Variants in PHF3 observed in about 807,000 individuals in gnomAD.
PHF3 encodes the protein PHD finger protein 3.
PHF3 carries 41 observed loss-of-function variants against 178.4 expected under a neutral mutation model. That is an observed-to-expected ratio of 0.23 (90% confidence interval 0.18 to 0.30). The LOEUF (loss-of-function observed/expected upper bound fraction) is 0.30. PHF3 is among the 10% of genes least tolerant of loss of function. The probability of loss-of-function intolerance (pLI) is 1.00; values close to 1 mark genes in which losing one functional copy is unlikely to be tolerated. For synonymous variants in PHF3, 842 were observed against 800.5 expected, an observed-to-expected ratio of 1.05 and a Z score of -0.88; for missense variants, 2,346 against 2,398.1, an observed-to-expected ratio of 0.98 and a Z score of 0.45.
At chr6:63,707,087 C>T (rs1193885182) in intron 13 of PHF3, among the ~76,000 whole-genome samples, 3 of 152,208 alleles carry the variant, frequency 2.0e-5, no homozygotes, top group African/African-American at 7.2e-5. Flanking sequence ...CTATGTCCTG[C>T]ACTTTTCCCA....
intron 2 of PHF3, among the ~76,000 whole-genome samples, chr6:63,661,587 T>C (rs1765466938): frequency 6.6e-6 from 1 of 152,160 alleles, no homozygotes; most frequent in African/African-American, 2.4e-5. Context: ...CAATATATAT[T>C]CCAGTATGAG....
chr6:63,684,967 G>C lies in PHF3; in HGVS notation c.1245G>C (p.Glu415Asp). ...AESNRQLEST[E>D]FNKSNLEVVD... The stretch of plus-strand genomic sequence containing the variant: ...CTAATAGGCAGTTGGAGAGCACTGA[G>C]TTTAATAAATCAAACTTAGAGGTGG... The change falls in exon 4 of 16, where the codon GAG becomes GAC. Residue 415 changes from glutamate to aspartate, a missense_variant. Physicochemically the swap from Glu to Asp is conservative, Grantham distance 45. This residue lies in a region of PHF3 where 843 missense variants were observed against 795.2 expected (regional missense o/e 1.06). Coordinates refer to ENST00000262043, the MANE Select transcript of PHF3 (RefSeq NM_001370348.2). 1.2e-6 allele frequency: 2 copies of C among 1,614,042 alleles called. No individual in the cohort carries two copies. Among genetic ancestry groups the C allele is most frequent in the East Asian group, 4.5e-5 (2 of 44,862 alleles).
chr6:63,698,123 A>T (rs1767311181), intron 6 of PHF3, 100 bp from the exon 7 acceptor site: 1 of 916,608 alleles, frequency 1.1e-6, no homozygotes, highest in Non-Finnish European at 1.6e-6. Flanking sequence ...CTTATTTCTA[A>T]ATAGTGACTT....
chr6:63,708,069 G>A (rs988707974), intron 13 of PHF3, among the ~76,000 whole-genome samples: 1 of 151,978 alleles, frequency 6.6e-6, no homozygotes, highest in Non-Finnish European at 1.5e-5. Context: ...GCTTCACCAT[G>A]TTAGCCAGGC....
chr6:63,690,844 A>G (rs912680352), intron 4 of PHF3, among the ~76,000 whole-genome samples: 7 of 152,248 alleles, frequency 4.6e-5, no homozygotes, highest in African/African-American at 1.2e-4. Context: ...AAAAGTAGTT[A>G]TAGATACTCC....
Position 63,722,632 on chromosome 6 carries a change from G to A in PHF3, c.*8924G>A, listed in dbSNP as rs988958990. Among the ~76,000 whole-genome samples the A allele has an allele frequency of 6.6e-6, 1 of 152,128 alleles. No individual in the cohort carries two copies. Among genetic ancestry groups the A allele is most frequent in the African/African-American group, 2.4e-5 (1 of 41,420 alleles). ...AAATGACTTATTAATAATGAACCAC[G>A]CAGAAGTCTCCACGAAACATTTTCT... On this transcript the variant is annotated 3_prime_UTR_variant, in exon 16 of 16. Transcript: ENST00000262043.
At chr6:63,637,988 G>A (rs1187530643) in intron 1 of PHF3, among the ~76,000 whole-genome samples, 1 of 151,566 alleles carries the variant, frequency 6.6e-6, no homozygotes, top group Admixed American at 6.6e-5. Context: ...TCTCTTGTTG[G>A]GATAGACTTC....
rs201282180 is a variant in PHF3 at position 63,637,833 on chromosome 6, T to G, written c.-26+1683T>G. ...TTTAAGCTTTTTCAGATAGCTGTACTCGGTAATTTGTCAAAATGATAAAAA... is the reference window on the plus strand; with the variant it reads ...TTTAAGCTTTTTCAGATAGCTGTACGCGGTAATTTGTCAAAATGATAAAAA... On this transcript the variant is annotated intron_variant, in intron 1 of 15. Transcript: ENST00000262043. 1.8e-4 allele frequency among the ~76,000 whole-genome samples: 27 copies of G among 152,314 alleles called. No individual in the cohort carries two copies. In the East Asian group the frequency reaches 4.2e-3, roughly 24 times the overall value.
In PHF3 at chr6:63,712,783, A is replaced by C; in HGVS notation, c.5195A>C (p.Gln1732Pro). Residue 1732 changes from glutamine (Q) to proline (P), a missense_variant, in exon 16 of 16, where the codon CAA becomes CCA. Physicochemically the swap from Gln to Pro is moderately conservative, Grantham distance 76 (BLOSUM62 -1). Coordinates refer to ENST00000262043, the MANE Select transcript of PHF3 (RefSeq NM_001370348.2). ...TCAGTAGAAAACATACAGACTTCTC[A>C]AGCAGAACAAGCAAAACCCTTACAG... ...SPSVENIQTS[Q>P]AEQAKPLQED... is the part of the protein sequence containing the mutation. 6.2e-7 allele frequency: 1 copy of C among 1,614,004 alleles called. No individual in the cohort carries two copies. Among genetic ancestry groups the C allele is most frequent in the Non-Finnish European group, 8.5e-7 (1 of 1,179,964 alleles).
At chr6:63,658,530 T>C (rs1402617734) in intron 2 of PHF3, among the ~76,000 whole-genome samples, 1 of 152,130 alleles carries the variant, frequency 6.6e-6, no homozygotes, top group African/African-American at 2.4e-5. Context: ...ACTTAGGGAT[T>C]TTGGAACCCT....
At chr6:63,660,339 G>T (rs760943178) in intron 2 of PHF3, among the ~76,000 whole-genome samples, 2 of 151,562 alleles carry the variant, frequency 1.3e-5, no homozygotes, top group Non-Finnish European at 2.9e-5. Context: ...AGGATGGAAT[G>T]CAACTAGATA....
chr6:63,684,797 A>G lies in PHF3; in HGVS notation c.1075A>G (p.Ser359Gly). ...ACTNPNKTEN[S>G]LVGLPSCVDE... ...TACAAATCCAAATAAGACAGAAAACAGCCTTGTAGGTTTGCCTAGTTGTGT... is the reference window on the plus strand; with the variant it reads ...TACAAATCCAAATAAGACAGAAAACGGCCTTGTAGGTTTGCCTAGTTGTGT... The change falls in exon 4 of 16, where the codon AGC becomes GGC. Residue 359 changes from serine (S) to glycine (G), a missense_variant. Coordinates refer to ENST00000262043, the MANE Select transcript of PHF3 (RefSeq NM_001370348.2). 1 of 1,614,090 alleles carries G rather than the reference A, an allele frequency of 6.2e-7. No homozygotes were observed. Among genetic ancestry groups the G allele is most frequent in the African/African-American group, 1.3e-5 (1 of 75,054 alleles).
At position 63,691,884 on chromosome 6, in the gene PHF3, A is replaced by G. The variant is rs752204880; in HGVS notation, c.2337A>G (p.Ile779Met). 6.2e-7 allele frequency: 1 copy of G among 1,613,814 alleles called. No homozygotes were observed. The highest frequency in any genetic ancestry group is 2.2e-5 in the East Asian group (1 of 44,844). ...CCAEEDKKTE[I>M]LDPDTLENQA... ...CTGAAGAAGACAAAAAGACTGAAAT[A>G]CTAGATCCAGATACTTTGGAAAACC... is the stretch of plus-strand genomic sequence containing the variant. Residue 779 changes from isoleucine (I) to methionine (M), a missense_variant, in exon 5 of 16, where the codon ATA becomes ATG. By Grantham distance (10) the Ile-to-Met change is conservative. Transcript: ENST00000262043.
At position 63,685,111 on chromosome 6, in the gene PHF3, A is replaced by T; in HGVS notation, c.1389A>T (p.Glu463Asp). 1 of 1,614,102 alleles carries T rather than the reference A, an allele frequency of 6.2e-7. No individual in the cohort carries two copies. Among genetic ancestry groups the T allele is most frequent in the Non-Finnish European group, 8.5e-7 (1 of 1,180,014 alleles). The part of the protein sequence containing the change: ...AIESTKIESH[E>D]TANLQDDRNS... Reference sequence around the variant, plus strand: ...AAAGTACTAAAATAGAGTCCCATGAAACAGCAAACCTTCAGGATGACAGAA... The same window carrying T: ...AAAGTACTAAAATAGAGTCCCATGATACAGCAAACCTTCAGGATGACAGAA... The change falls in exon 4 of 16, where the codon GAA becomes GAT. Residue 463 changes from glutamate (E) to aspartate (D), a missense_variant. Coordinates refer to ENST00000262043, the MANE Select transcript of PHF3 (RefSeq NM_001370348.2).
chr6:63,662,932 C>T lies in PHF3; in HGVS notation c.244+16137C>T, dbSNP rs557336807. 3.3e-5 allele frequency among the ~76,000 whole-genome samples: 5 copies of T among 152,324 alleles called. No individual in the cohort carries two copies. The South Asian group carries it at 1.0e-3, about 32-fold the overall frequency. Reference sequence around the variant, plus strand: ...ATGAGAGCATTTTACTGGTTGACAACTCCAGTTGGTACCAATCTCAGAAGA... The same window carrying T: ...ATGAGAGCATTTTACTGGTTGACAATTCCAGTTGGTACCAATCTCAGAAGA... On this transcript the variant is annotated intron_variant, in intron 2 of 15. Coordinates refer to ENST00000262043, the MANE Select transcript of PHF3 (RefSeq NM_001370348.2).
intron 13 of PHF3, 25 bp from the exon 14 acceptor site, chr6:63,709,126 C>G (rs753500641): frequency 1.8e-6 from 2 of 1,137,220 alleles, no homozygotes; most frequent in African/African-American, 1.6e-5. Flanking sequence ...ATATATTGAT[C>G]TCTTTTTTTT....
At chr6:63,669,007 G>GT (rs1765797007) in intron 2 of PHF3, among the ~76,000 whole-genome samples, 1 of 152,212 alleles carries the variant, frequency 6.6e-6, no homozygotes, top group Non-Finnish European at 1.5e-5. Flanking sequence ...CTGATCGGTT[G>GT]TGAGGGTTTG....
chr6:63,698,146 G>T, intron 6 of PHF3, 77 bp from the exon 7 acceptor site: 1 of 1,191,552 alleles, frequency 8.4e-7, no homozygotes, highest in South Asian at 1.5e-5. Flanking sequence ...AATCAGTTTT[G>T]TTTGTAAACT....
Position 63,720,988 on chromosome 6 carries a change from T to G in PHF3, c.*7280T>G. On this transcript the variant is annotated 3_prime_UTR_variant, in exon 16 of 16. Transcript: ENST00000262043. ...TTAACTGCTATTTTCAAGGTCTGAT[T>G]ATGGAGACCAATTGCCAGAAAATCA... 1 of 1,551,396 alleles carries G rather than the reference T, an allele frequency of 6.4e-7. No individual in the cohort carries two copies. The highest frequency in any genetic ancestry group is 8.7e-7 in the Non-Finnish European group (1 of 1,146,804).
Sources: gnomAD v4.1 joint callset for allele counts (sites outside exome capture counted in the v4.1 genomes callset) on GRCh38, gnomAD v4.1.1 for gene constraint, gnomAD v4.1.1 regional missense constraint, MANE v1.5 for transcripts, NCBI Gene and HGNC (gene_info 2026-07-23, HGNC 2026-07-21) for gene names.